PRKCE: variants seen among roughly 807,000 people sequenced by gnomAD.
The protein encoded by PRKCE is protein kinase C epsilon.
In PRKCE, 16 loss-of-function variants were observed where a neutral mutation model predicts 85.4. The ratio of observed to expected loss-of-function variants is 0.19; its 90% CI spans 0.13 to 0.28. The LOEUF (loss-of-function observed/expected upper bound fraction) is 0.28. Among genes scored for constraint, PRKCE ranks in the 10% least tolerant of loss-of-function variants. PRKCE has a pLI of 1.00. For missense variants in PRKCE, 573 were observed against 975.2 expected (o/e 0.59, Z 5.49); for synonymous variants, 388 against 371.5 (o/e 1.04, Z -0.51).
intron 10 of PRKCE, among the ~76,000 whole-genome samples, chr2:46,016,193 C>A (rs1166802054): frequency 1.3e-5 from 2 of 152,120 alleles, no homozygotes; most frequent in East Asian, 1.9e-4. Context: ...ATTAACACAT[C>A]TTTAGTGAGC....
chr2:46,177,821 T>G (rs1260288132), intron 14 of PRKCE, among the ~76,000 whole-genome samples: 2 of 152,218 alleles, frequency 1.3e-5, no homozygotes, highest in African/African-American at 4.8e-5. Context: ...TAAGAAATTA[T>G]AAAACATTGA....
At chr2:46,025,758 G>C (rs1201538323) in intron 10 of PRKCE, among the ~76,000 whole-genome samples, 3 of 152,220 alleles carry the variant, frequency 2.0e-5, no homozygotes, top group Non-Finnish European at 4.4e-5. Context: ...AATTGGCTTT[G>C]TAGGGTTGTT....
chr2:46,093,190 A>G (rs912207276), intron 11 of PRKCE, among the ~76,000 whole-genome samples: 15 of 152,232 alleles, frequency 9.9e-5, no homozygotes, highest in African/African-American at 3.4e-4. Flanking sequence ...ATCAGCTACC[A>G]TGGCAGAAAT....
Position 46,069,584 on chromosome 2 carries a change from T to A in PRKCE, c.1438-16624T>A, listed in dbSNP as rs1478216020. 2.0e-5 allele frequency among the ~76,000 whole-genome samples: 3 copies of A among 152,246 alleles called. No individual in the cohort carries two copies. In the East Asian group the frequency reaches 5.8e-4, roughly 29 times the overall value. On this transcript the variant is annotated intron_variant, in intron 10 of 14. Transcript: ENST00000306156. ...TTATCAGGAAATTCAGGTTTCCATG[T>A]TACACAGTTTATATGGGCCCTTATA...
At chr2:45,931,508 T>C (rs1041645810) in intron 2 of PRKCE, among the ~76,000 whole-genome samples, 1 of 152,226 alleles carries the variant, frequency 6.6e-6, no homozygotes, top group Non-Finnish European at 1.5e-5. Flanking sequence ...CTCCTGATGG[T>C]AAATTACTCT....
chr2:45,820,838 G>C (rs77953141), intron 1 of PRKCE, among the ~76,000 whole-genome samples: 3,772 of 152,196 alleles, frequency 0.025, 85 homozygotes, highest in East Asian at 0.11. Context: ...GGGTCATGTT[G>C]ACCTTAGTGG....
At chr2:46,081,211 G>A (rs1669042916) in intron 10 of PRKCE, among the ~76,000 whole-genome samples, 1 of 152,106 alleles carries the variant, frequency 6.6e-6, no homozygotes, top group African/African-American at 2.4e-5. Context: ...TAGGCCTCAA[G>A]CCATCCTGCC....
intron 1 of PRKCE, among the ~76,000 whole-genome samples, chr2:45,714,905 G>T (rs1458994550): frequency 6.6e-6 from 1 of 152,212 alleles, no homozygotes; most frequent in Non-Finnish European, 1.5e-5. Context: ...TGGGTAAGCT[G>T]GTTGCAGCCT....
At chr2:45,835,793 G>T (rs747684760) in intron 1 of PRKCE, among the ~76,000 whole-genome samples, 20 of 152,034 alleles carry the variant, frequency 1.3e-4, no homozygotes, top group Non-Finnish European at 2.2e-4. Context: ...GAAGGTCTCA[G>T]TATGTTGTAC....
intron 14 of PRKCE, among the ~76,000 whole-genome samples, chr2:46,180,263 G>T (rs1679838407): frequency 6.6e-6 from 1 of 152,170 alleles, no homozygotes; most frequent in South Asian, 2.1e-4. Context: ...GATAGGGGAG[G>T]GCATTCCAGG....
intron 2 of PRKCE, among the ~76,000 whole-genome samples, chr2:45,884,996 TATA>T (rs532107958): frequency 0.033 from 2,442 of 74,970 alleles, 196 homozygotes; most frequent in South Asian, 0.05. Context: ...TATATATATA[TATA>T]TATTTGTTGT....
intron 10 of PRKCE, among the ~76,000 whole-genome samples, chr2:46,045,400 G>T (rs1407263089): frequency 6.6e-6 from 1 of 152,158 alleles, no homozygotes. Flanking sequence ...ACAGAATTTT[G>T]CCTGACTTAT....
intron 1 of PRKCE, among the ~76,000 whole-genome samples, chr2:45,737,868 C>A (rs928942669): frequency 6.6e-6 from 1 of 152,116 alleles, no homozygotes; most frequent in Non-Finnish European, 1.5e-5. Flanking sequence ...GCCCCAAGTT[C>A]AACAAAACCA....
chr2:45,678,115 C>T (rs915138791), intron 1 of PRKCE, among the ~76,000 whole-genome samples: 1 of 152,154 alleles, frequency 6.6e-6, no homozygotes, highest in African/African-American at 2.4e-5. Flanking sequence ...TCACCAATTT[C>T]TTTTTGGTTT....
chr2:46,010,624 T>A (rs1275387874), intron 10 of PRKCE, 107 bp downstream of exon 10: 25 of 1,599,064 alleles, frequency 1.6e-5, no homozygotes, highest in Non-Finnish European at 2.1e-5. Flanking sequence ...CTTTGTAAAG[T>A]GGGATGGGTT....
At chr2:45,808,906 G>A (rs1310087258) in intron 1 of PRKCE, among the ~76,000 whole-genome samples, 1 of 152,146 alleles carries the variant, frequency 6.6e-6, no homozygotes, top group Non-Finnish European at 1.5e-5. Context: ...CAGAGCTATA[G>A]TTTGGGGGGT....
intron 2 of PRKCE, among the ~76,000 whole-genome samples, chr2:45,923,348 C>T (rs75533736): frequency 6.6e-6 from 1 of 152,168 alleles, no homozygotes; most frequent in Non-Finnish European, 1.5e-5. Context: ...TGCTAACAAG[C>T]GTTTGTGTGC....
intron 1 of PRKCE, among the ~76,000 whole-genome samples, chr2:45,805,989 A>T (rs1688214075): frequency 6.6e-6 from 1 of 152,246 alleles, no homozygotes; most frequent in Non-Finnish European, 1.5e-5. Flanking sequence ...CCAAGGTCTC[A>T]CAGCCATCTA....
intron 1 of PRKCE, among the ~76,000 whole-genome samples, chr2:45,787,737 G>C (rs1686718656): frequency 6.6e-6 from 1 of 152,204 alleles, no homozygotes; most frequent in South Asian, 2.1e-4. Flanking sequence ...ACTTGGCTCA[G>C]GGTTCGCGAT....
Sources: gnomAD v4.1 joint callset for allele counts (sites outside exome capture counted in the v4.1 genomes callset) on GRCh38, gnomAD v4.1.1 for gene constraint, MANE v1.5 for transcripts, NCBI Gene and HGNC (gene_info 2026-07-23, HGNC 2026-07-21) for gene names.